Variants in ATP8A2 observed in about 807,000 individuals in gnomAD.
ATP8A2 encodes ATPase phospholipid transporting 8A2, also known as phospholipid-transporting ATPase IB.
Under a neutral mutation model 165.6 loss-of-function variants are expected in ATP8A2, and 100 were observed. The observed-to-expected ratio is 0.60, with a 90% CI of 0.51 to 0.71. The LOEUF is 0.71. Ranked by LOEUF, ATP8A2 falls within the 30% of genes least tolerant of loss-of-function variation. The pLI, the probability that ATP8A2 is intolerant of heterozygous loss-of-function variation, is 0.00. For missense variants in ATP8A2, 1,227 were observed against 1,479.5 expected (o/e 0.83, Z 2.80); for synonymous variants, 543 against 548.8 (o/e 0.99, Z 0.15).
intron 2 of ATP8A2, among the ~76,000 whole-genome samples, chr13:25,481,690 C>A (rs2036207349): frequency 1.3e-5 from 2 of 152,286 alleles, no homozygotes; most frequent in East Asian, 3.9e-4. Context: ...GTTCTAGAGG[C>A]TGGAAGTCCA....
chr13:25,952,270 G>T (rs984107095), intron 33 of ATP8A2, among the ~76,000 whole-genome samples: 2 of 152,136 alleles, frequency 1.3e-5, no homozygotes, highest in Non-Finnish European at 2.9e-5. Context: ...GGGCATGAAT[G>T]ATTTCGGGAA....
At chr13:25,932,095 G>C (rs1215466105) in intron 33 of ATP8A2, among the ~76,000 whole-genome samples, 3 of 151,836 alleles carry the variant, frequency 2.0e-5, no homozygotes, top group African/African-American at 7.3e-5. Context: ...GGAGAGTTGA[G>C]GTTTGGGGAC....
intron 27 of ATP8A2, among the ~76,000 whole-genome samples, chr13:25,810,699 A>G (rs1344140606): frequency 1.3e-5 from 2 of 152,194 alleles, no homozygotes; most frequent in African/African-American, 4.8e-5. Flanking sequence ...ATAAATTTCT[A>G]AAAAGCTCAA....
At chr13:25,601,666 G>T (rs1305104120) in intron 24 of ATP8A2, among the ~76,000 whole-genome samples, 1 of 152,150 alleles carries the variant, frequency 6.6e-6, no homozygotes, top group Non-Finnish European at 1.5e-5. Context: ...TAGAGACAGG[G>T]TTTCACCATG....
At chr13:25,756,146 G>T (rs2044256133) in intron 25 of ATP8A2, among the ~76,000 whole-genome samples, 1 of 152,146 alleles carries the variant, frequency 6.6e-6, no homozygotes, top group East Asian at 1.9e-4. Context: ...GGTGCTCCAG[G>T]ATAGCATGCA....
chr13:25,549,316 C>T (rs769908011), intron 10 of ATP8A2, among the ~76,000 whole-genome samples: 5 of 151,948 alleles, frequency 3.3e-5, no homozygotes, highest in South Asian at 2.1e-4. Context: ...AAAAATTAGT[C>T]GGGCATGGTG....
chr13:25,624,565 T>C (rs888629782), intron 24 of ATP8A2, among the ~76,000 whole-genome samples: 7 of 152,174 alleles, frequency 4.6e-5, no homozygotes, highest in African/African-American at 1.7e-4. Context: ...TATTAGAGAG[T>C]ATTGTATGTA....
At position 25,487,851 on chromosome 13, in the gene ATP8A2, T is replaced by C. The variant is rs557491697; in HGVS notation, c.221+18730T>C. Among the ~76,000 whole-genome samples the C allele has an allele frequency of 1.6e-4, 25 of 152,320 alleles. No individual in the cohort carries two copies. The East Asian group carries it at 3.1e-3, about 19-fold the overall frequency. On this transcript the variant is annotated intron_variant, in intron 2 of 36. Transcript: ENST00000381655. ...GTAATCTTTCTCTCTTTCTTTCTTT[T>C]TTTTTTTGTAATAGCCTGAGTGGGA...
intron 2 of ATP8A2, among the ~76,000 whole-genome samples, chr13:25,511,532 T>G (rs2037224567): frequency 6.6e-6 from 1 of 152,178 alleles, no homozygotes. Context: ...AAGAACATCT[T>G]GCAGTAAGAG....
At chr13:25,908,873 T>G (rs1046201535) in intron 33 of ATP8A2, among the ~76,000 whole-genome samples, 5 of 152,220 alleles carry the variant, frequency 3.3e-5, no homozygotes, top group Non-Finnish European at 5.9e-5. Flanking sequence ...GTGAATAATT[T>G]TAGTGTGCAA....
chr13:26,015,187 C>T (rs1956940869), intron 36 of ATP8A2, among the ~76,000 whole-genome samples: 1 of 152,084 alleles, frequency 6.6e-6, no homozygotes, highest in Non-Finnish European at 1.5e-5. Context: ...TGAAATCACA[C>T]CACATTTTTT....
intron 24 of ATP8A2, among the ~76,000 whole-genome samples, chr13:25,611,527 T>C (rs4315223): frequency 0.49 from 75,068 of 152,030 alleles, 20,217 homozygotes; most frequent in Admixed American, 0.61. Context: ...CTTTTTGATA[T>C]GCTGTTGGAT....
At chr13:25,526,391 ATTAG>A (rs928952159) in intron 2 of ATP8A2, among the ~76,000 whole-genome samples, 6 of 152,254 alleles carry the variant, frequency 3.9e-5, no homozygotes, top group East Asian at 1.9e-4. Flanking sequence ...GCATTGGAGA[ATTAG>A]TTAGTTATTT....
At chr13:25,796,321 A>G (rs532528712) in intron 27 of ATP8A2, among the ~76,000 whole-genome samples, 2 of 152,324 alleles carry the variant, frequency 1.3e-5, no homozygotes, top group African/African-American at 2.4e-5. Context: ...ATCAGGATGA[A>G]GGGCTAATTG....
At chr13:25,810,941 T>A (rs868646679) in intron 27 of ATP8A2, among the ~76,000 whole-genome samples, 1 of 152,344 alleles carries the variant, frequency 6.6e-6, no homozygotes, top group East Asian at 1.9e-4. Flanking sequence ...ATTCTGATTA[T>A]GTTTATATTT....
chr13:25,452,478 A>G (rs1244352909), intron 1 of ATP8A2, among the ~76,000 whole-genome samples: 1 of 152,160 alleles, frequency 6.6e-6, no homozygotes, highest in Non-Finnish European at 1.5e-5. Flanking sequence ...TGTGTAAGTC[A>G]AATATCAATA....
At chr13:25,437,100 C>A (rs568496483) in intron 1 of ATP8A2, among the ~76,000 whole-genome samples, 28 of 152,126 alleles carry the variant, frequency 1.8e-4, no homozygotes, top group Middle Eastern at 3.4e-3. Flanking sequence ...TTAGTAATAG[C>A]CATTCTGACT....
chr13:25,860,349 A>G (rs1490605787), intron 31 of ATP8A2, 93 bp downstream of exon 31: 1 of 664,312 alleles, frequency 1.5e-6, no homozygotes, highest in Non-Finnish European at 2.6e-6. Flanking sequence ...CCTCATTATT[A>G]TTATTTATTT....
chr13:25,452,175 G>T (rs1443102769), intron 1 of ATP8A2, among the ~76,000 whole-genome samples: 1 of 152,094 alleles, frequency 6.6e-6, no homozygotes, highest in East Asian at 1.9e-4. Flanking sequence ...GTTTAAAAAA[G>T]TCCACAGGTT....
Sources: allele counts gnomAD v4.1 joint callset (sites outside exome capture counted in the v4.1 genomes callset), GRCh38; gene constraint gnomAD v4.1.1; transcripts MANE v1.5; gene names NCBI Gene and HGNC (gene_info 2026-07-23, HGNC 2026-07-21).